Variants in DNAI4 observed in about 807,000 individuals in gnomAD.
DNAI4 encodes WD repeat domain 78.
Under a neutral mutation model 105.8 loss-of-function variants are expected in DNAI4, and 85 were observed. The ratio of observed to expected loss-of-function variants is 0.80; its 90% CI spans 0.67 to 0.96. The LOEUF (loss-of-function observed/expected upper bound fraction) is 0.96, where lower values mean the gene tolerates loss of function less well. Among genes scored for constraint, DNAI4 ranks in the 40% least tolerant of loss-of-function variants. The pLI, the probability that DNAI4 is intolerant of heterozygous loss-of-function variation, is 0.00. For synonymous variants in DNAI4, 352 were observed against 331.5 expected (o/e 1.06, Z -0.67); for missense variants, 1,014 against 1,005.6 (o/e 1.01, Z -0.11).
intron 2 of DNAI4, among the ~76,000 whole-genome samples, chr1:66,894,031 A>G (rs1447931646): frequency 6.6e-6 from 1 of 152,220 alleles, no homozygotes; most frequent in Non-Finnish European, 1.5e-5. Flanking sequence ...TATGCACAGT[A>G]CATAATATTT....
chr1:66,887,756 C>A (rs912099887), intron 4 of DNAI4, among the ~76,000 whole-genome samples: 1 of 151,994 alleles, frequency 6.6e-6, no homozygotes, highest in African/African-American at 2.4e-5. Context: ...GCGGATCACT[C>A]GAGACCAGCC....
chr1:66,824,747 G>A (rs1257464211), intron 15 of DNAI4, among the ~76,000 whole-genome samples: 2 of 152,072 alleles, frequency 1.3e-5, no homozygotes, highest in Non-Finnish European at 2.9e-5. Flanking sequence ...TGTGATTTTT[G>A]TACATTGATT....
chr1:66,833,040 T>C (rs1396543240), intron 13 of DNAI4, among the ~76,000 whole-genome samples: 1 of 152,038 alleles, frequency 6.6e-6, no homozygotes, highest in Non-Finnish European at 1.5e-5. Flanking sequence ...GAGAGGCACT[T>C]GAGTTAAGCA....
chr1:66,885,572 A>T (rs192075333), intron 4 of DNAI4, among the ~76,000 whole-genome samples: 4 of 152,268 alleles, frequency 2.6e-5, no homozygotes, highest in African/African-American at 9.6e-5. Flanking sequence ...TTGTTCTTCT[A>T]GCCAGGTGTG....
intron 4 of DNAI4, among the ~76,000 whole-genome samples, chr1:66,876,980 G>A (rs1646971953): frequency 6.6e-6 from 1 of 152,136 alleles, no homozygotes; most frequent in African/African-American, 2.4e-5. Context: ...TCTGTCAAAT[G>A]TGAGGGTTTA....
chr1:66,858,154 A>C (rs1203028505), intron 7 of DNAI4, among the ~76,000 whole-genome samples: 2 of 152,154 alleles, frequency 1.3e-5, no homozygotes, highest in Non-Finnish European at 2.9e-5. Flanking sequence ...TCATTTTATT[A>C]GGCTAGCATT....
At chr1:66,862,595 G>A (rs1258920762) in intron 6 of DNAI4, among the ~76,000 whole-genome samples, 1 of 152,060 alleles carries the variant, frequency 6.6e-6, no homozygotes, top group African/African-American at 2.4e-5. Context: ...AGAATCTACT[G>A]TTTATTTTTA....
chr1:66,864,043 T>C (rs1020698211), intron 6 of DNAI4, among the ~76,000 whole-genome samples: 2 of 152,222 alleles, frequency 1.3e-5, no homozygotes, highest in Non-Finnish European at 2.9e-5. Context: ...AATACGCCTA[T>C]TATAAATAAG....
At chr1:66,893,085 G>GAAAGAAAGAAAGAAAA (rs1438077353) in intron 3 of DNAI4, 144 bp downstream of exon 3, 2 of 396,732 alleles carry the variant, frequency 5.0e-6, no homozygotes, top group Non-Finnish European at 8.7e-6. Context: ...AAGAAAGAAA[G>GAAAGAAAGAAAGAAAA]AAAGAAAGAA....
intron 16 of DNAI4, among the ~76,000 whole-genome samples, chr1:66,818,449 T>C (rs1017664919): frequency 3.2e-4 from 48 of 152,126 alleles, no homozygotes; most frequent in African/African-American, 1.1e-3. Flanking sequence ...TAGCATGTAT[T>C]AAAATCTGCT....
Position 66,827,023 on chromosome 1 carries a change from C to G in DNAI4, c.2136G>C (p.Trp712Cys). The change falls in exon 15 of 17, where the codon TGG becomes TGC. Residue 712 changes from tryptophan (W) to cysteine (C), a missense_variant. Coordinates refer to ENST00000371026, the MANE Select transcript of DNAI4 (RefSeq NM_024763.5). ...GHKGPVYKVT[W>C]NPFCHDVFLS... ...AAAATACATCATGACAAAATGGATT[C>G]CATGTCACTTTATACACTGGACCCT... 3.7e-6 allele frequency: 6 copies of G among 1,613,942 alleles called. No homozygotes were observed. The highest frequency in any genetic ancestry group is 5.1e-6 in the Non-Finnish European group (6 of 1,179,976).
intron 10 of DNAI4, among the ~76,000 whole-genome samples, chr1:66,836,210 G>GAA (rs1557908328): frequency 0.028 from 1,285 of 45,116 alleles, 18 homozygotes; most frequent in East Asian, 0.087. Flanking sequence ...GAAAGAAAGA[G>GAA]AGAGAGAGAG....
At chr1:66,882,301 A>C (rs1647090115) in intron 4 of DNAI4, among the ~76,000 whole-genome samples, 1 of 152,238 alleles carries the variant, frequency 6.6e-6, no homozygotes, top group South Asian at 2.1e-4. Flanking sequence ...TTATTTCACA[A>C]AGCAAAAATT....
intron 14 of DNAI4, among the ~76,000 whole-genome samples, chr1:66,827,574 G>A (rs192969286): frequency 6.6e-6 from 1 of 152,204 alleles, no homozygotes; most frequent in Non-Finnish European, 1.5e-5. Flanking sequence ...GTTATCATAA[G>A]CAAAGTCTTT....
chr1:66,817,537 C>T (rs940584415), intron 16 of DNAI4, among the ~76,000 whole-genome samples: 4 of 151,652 alleles, frequency 2.6e-5, no homozygotes, highest in African/African-American at 9.7e-5. Flanking sequence ...CAGGCCACTA[C>T]ACTCCAGCCT....
At chr1:66,897,396 A>C (rs1275631205) in intron 2 of DNAI4, among the ~76,000 whole-genome samples, 2 of 152,228 alleles carry the variant, frequency 1.3e-5, no homozygotes, top group East Asian at 3.8e-4. Context: ...AAGATTTGGA[A>C]AAGTCTCAGC....
intron 6 of DNAI4, among the ~76,000 whole-genome samples, chr1:66,868,678 C>T (rs553162291): frequency 3.0e-4 from 46 of 152,256 alleles, no homozygotes; most frequent in Admixed American, 2.4e-3. Context: ...CATTAGCTTT[C>T]CTGTGTCCCC....
At chr1:66,821,030 T>C (rs1053743638) in intron 16 of DNAI4, among the ~76,000 whole-genome samples, 1 of 151,604 alleles carries the variant, frequency 6.6e-6, no homozygotes, top group African/African-American at 2.4e-5. Context: ...AACATTTCTA[T>C]AGGCTAGTCT....
At chr1:66,886,741 T>A (rs1647213681) in intron 4 of DNAI4, among the ~76,000 whole-genome samples, 1 of 152,160 alleles carries the variant, frequency 6.6e-6, no homozygotes, top group African/African-American at 2.4e-5. Flanking sequence ...TGTTCACAAG[T>A]ATATCTATTC....
Sources: gnomAD v4.1 joint callset for allele counts (sites outside exome capture counted in the v4.1 genomes callset) on GRCh38, gnomAD v4.1.1 for gene constraint, MANE v1.5 for transcripts, NCBI Gene and HGNC (gene_info 2026-07-23, HGNC 2026-07-21) for gene names.